The following EXOC6B variants were observed in gnomAD, a reference collection of about 807,000 sequenced individuals.
EXOC6B encodes the protein exocyst complex component 6B, also known as SEC15 homolog B.
Under a neutral mutation model 113.5 loss-of-function variants are expected in EXOC6B, and 54 were observed. That is an observed-to-expected ratio of 0.48 (90% CI 0.38 to 0.60). The LOEUF is 0.60. EXOC6B is among the 20% of genes least tolerant of loss of function. The pLI, the probability that EXOC6B is intolerant of heterozygous loss-of-function variation, is 0.00. For missense variants in EXOC6B, 797 were observed against 977.5 expected (o/e 0.82, Z 2.46); for synonymous variants, 357 against 339.0 (o/e 1.05, Z -0.58).
chr2:72,541,673 C>A (rs970082575), intron 8 of EXOC6B, among the ~76,000 whole-genome samples: 5 of 152,146 alleles, frequency 3.3e-5, no homozygotes, highest in African/African-American at 4.8e-5. Context: ...TCATTGCATT[C>A]TTTAAAAGTC....
intron 6 of EXOC6B, among the ~76,000 whole-genome samples, chr2:72,636,648 C>A (rs989921509): frequency 1.3e-5 from 2 of 152,094 alleles, no homozygotes; most frequent in South Asian, 4.1e-4. Flanking sequence ...ATTCATGATA[C>A]AAATTCTCAG....
Position 72,521,047 on chromosome 2 carries a change from C to G in EXOC6B, c.916-5921G>C, listed in dbSNP as rs146191750. On this transcript the variant is annotated intron_variant, in intron 8 of 21. Coordinates refer to ENST00000272427, the MANE Select transcript of EXOC6B (RefSeq NM_015189.3). ...CCAAAATTAACATGTTAAAACTTAA[C>G]CACCAACATAGTAGTAAGAGATGCG... Among the ~76,000 whole-genome samples, 423 of 152,220 alleles carry G rather than the reference C, an allele frequency of 2.8e-3. 4 individuals carry two copies. The highest frequency in any genetic ancestry group is 8.9e-3 in the African/African-American group (369 of 41,534).
intron 18 of EXOC6B, among the ~76,000 whole-genome samples, chr2:72,388,760 G>A (rs1692204135): frequency 1.3e-5 from 2 of 152,148 alleles, no homozygotes; most frequent in African/African-American, 4.8e-5. Flanking sequence ...ACACACGGTT[G>A]TAATGTCTTC....
At chr2:72,338,935 A>ACACATG (rs1688858154) in intron 19 of EXOC6B, among the ~76,000 whole-genome samples, 1 of 151,516 alleles carries the variant, frequency 6.6e-6, no homozygotes, top group Admixed American at 6.6e-5. Context: ...ACATACACAT[A>ACACATG]CACATACACA....
At chr2:72,194,449 G>A (rs1679034374) in intron 20 of EXOC6B, among the ~76,000 whole-genome samples, 1 of 152,122 alleles carries the variant, frequency 6.6e-6, no homozygotes, top group Non-Finnish European at 1.5e-5. Flanking sequence ...TCTAGTAAGT[G>A]ACTTTTCAAA....
At chr2:72,691,825 G>A (rs1236246605) in intron 6 of EXOC6B, among the ~76,000 whole-genome samples, 1 of 151,338 alleles carries the variant, frequency 6.6e-6, no homozygotes, top group Non-Finnish European at 1.5e-5. Flanking sequence ...GGGATTACGG[G>A]TGCCCACCAC....
At chr2:72,338,964 TAC>T (rs1369428147) in intron 19 of EXOC6B, among the ~76,000 whole-genome samples, 72 of 114,450 alleles carry the variant, frequency 6.3e-4, no homozygotes, top group African/African-American at 2.7e-3. Flanking sequence ...CACATACACA[TAC>T]ATACACATAC....
At chr2:72,259,155 A>C (rs1180031378) in intron 20 of EXOC6B, among the ~76,000 whole-genome samples, 1 of 152,240 alleles carries the variant, frequency 6.6e-6, no homozygotes, top group African/African-American at 2.4e-5. Flanking sequence ...TTAAGGTAGA[A>C]TATTTTGATC....
chr2:72,632,739 T>G (rs1672556010), intron 6 of EXOC6B, among the ~76,000 whole-genome samples: 1 of 152,168 alleles, frequency 6.6e-6, no homozygotes, highest in Non-Finnish European at 1.5e-5. Context: ...TGGAGTACAG[T>G]GGCACAATCA....
intron 18 of EXOC6B, among the ~76,000 whole-genome samples, chr2:72,397,858 T>C (rs1692850989): frequency 6.6e-6 from 1 of 152,030 alleles, no homozygotes; most frequent in Admixed American, 6.6e-5. Context: ...GGCTATCTAC[T>C]CAACTTGTTT....
intron 11 of EXOC6B, among the ~76,000 whole-genome samples, chr2:72,504,644 G>C (rs1700505139): frequency 6.6e-6 from 1 of 152,168 alleles, no homozygotes; most frequent in African/African-American, 2.4e-5. Context: ...GCAAATTACT[G>C]AAGAGAATAT....
At chr2:72,731,120 A>G in intron 4 of EXOC6B, 35 bp downstream of exon 4, 1 of 1,582,308 alleles carries the variant, frequency 6.3e-7, no homozygotes, top group East Asian at 2.2e-5. Flanking sequence ...AAAAAAAATT[A>G]CACCAAGAAT....
chr2:72,690,609 A>C (rs1436968496), intron 6 of EXOC6B, among the ~76,000 whole-genome samples: 2 of 152,216 alleles, frequency 1.3e-5, no homozygotes, highest in African/African-American at 4.8e-5. Flanking sequence ...AATTCTAAGC[A>C]ATTCAACAAC....
intron 6 of EXOC6B, among the ~76,000 whole-genome samples, chr2:72,629,822 G>T (rs1672276760): frequency 6.6e-6 from 1 of 152,104 alleles, no homozygotes; most frequent in African/African-American, 2.4e-5. Flanking sequence ...TTTGCCTTCA[G>T]GCTTTGTAAA....
chr2:72,777,007 G>A (rs1213094400), intron 1 of EXOC6B, among the ~76,000 whole-genome samples: 1 of 152,144 alleles, frequency 6.6e-6, no homozygotes, highest in Non-Finnish European at 1.5e-5. Flanking sequence ...TTGGGAGGCT[G>A]AGGTGGTAGG....
At chr2:72,668,881 T>C (rs892197215) in intron 6 of EXOC6B, among the ~76,000 whole-genome samples, 1 of 152,068 alleles carries the variant, frequency 6.6e-6, no homozygotes, top group Non-Finnish European at 1.5e-5. Context: ...GCAATATACG[T>C]TTGTAATAAA....
At chr2:72,603,096 T>G (rs980286316) in intron 6 of EXOC6B, among the ~76,000 whole-genome samples, 2 of 151,680 alleles carry the variant, frequency 1.3e-5, no homozygotes, top group South Asian at 2.1e-4. Flanking sequence ...TTTGGTTGTT[T>G]TTTTTTTTAA....
chr2:72,181,760 T>A (rs941361052), intron 21 of EXOC6B, among the ~76,000 whole-genome samples: 19 of 151,900 alleles, frequency 1.3e-4, no homozygotes, highest in Non-Finnish European at 5.9e-5. Context: ...AGACCTGGAG[T>A]TGGAACTAGG....
intron 6 of EXOC6B, among the ~76,000 whole-genome samples, chr2:72,631,514 A>G (rs1306865969): frequency 1.1e-5 from 1 of 95,192 alleles, no homozygotes; most frequent in African/African-American, 3.8e-5. Context: ...AGAGAGAGAG[A>G]GAGAGAGAAA....
Sources: allele counts gnomAD v4.1 joint callset (sites outside exome capture counted in the v4.1 genomes callset), GRCh38; gene constraint gnomAD v4.1.1; transcripts MANE v1.5; gene names NCBI Gene and HGNC (gene_info 2026-07-23, HGNC 2026-07-21).